Variants in BPGM observed in about 807,000 individuals in gnomAD.
BPGM encodes the protein bisphosphoglycerate mutase.
In BPGM, 15 loss-of-function variants were observed where a neutral mutation model predicts 21.6. That is an observed-to-expected ratio of 0.70 (90% CI 0.47 to 1.07). The LOEUF is 1.07. Among genes scored for constraint, BPGM ranks in the 50% least tolerant of loss-of-function variants. BPGM has a pLI of 0.00. For missense variants in BPGM, 273 were observed against 319.0 expected (o/e 0.86, Z 1.10); for synonymous variants, 113 against 116.2 (o/e 0.97, Z 0.18).
At chr7:134,677,623 T>C (rs768931261) in intron 2 of BPGM, among the ~76,000 whole-genome samples, 21 of 152,246 alleles carry the variant, frequency 1.4e-4, no homozygotes, top group Non-Finnish European at 2.6e-4. Context: ...TAACAACTTA[T>C]TCTGCCACTC....
chr7:134,672,212 C>G (rs1795915260), intron 2 of BPGM, among the ~76,000 whole-genome samples: 1 of 152,090 alleles, frequency 6.6e-6, no homozygotes, highest in Non-Finnish European at 1.5e-5. Context: ...CTCCTAGGTG[C>G]TTCTACATGA....
At chr7:134,659,598 T>C (rs1261152464) in intron 1 of BPGM, among the ~76,000 whole-genome samples, 1 of 152,190 alleles carries the variant, frequency 6.6e-6, no homozygotes, top group East Asian at 1.9e-4. Flanking sequence ...GGCTTCCTCC[T>C]TGGGAATTCT....
Position 134,661,486 on chromosome 7 carries a change from C to T in BPGM, c.-22C>T. The stretch of plus-strand genomic sequence containing the variant: ...TTGAATATTAGCCCATTTGAAAACG[C>T]CTGGGAAGTTCAGCCATCAGTATGT... On this transcript the variant is annotated 5_prime_UTR_variant, in exon 2 of 3. Transcript: ENST00000344924. This position sits in a 1 kb window ranked among gnomAD's most constrained non-coding sequence, Gnocchi z 4.6. The T allele has an allele frequency of 6.2e-7, 1 of 1,613,990 alleles. No homozygotes were observed.
At chr7:134,671,362 T>C in intron 2 of BPGM, among the ~76,000 whole-genome samples, 1 of 140,206 alleles carries the variant, frequency 7.1e-6, no homozygotes, top group South Asian at 2.2e-4. Flanking sequence ...AACATTTTGT[T>C]CTTTTTTTTT....
intron 2 of BPGM, among the ~76,000 whole-genome samples, chr7:134,664,649 C>G (rs180907448): frequency 3.1e-3 from 474 of 152,306 alleles, no homozygotes; most frequent in African/African-American, 0.011. Context: ...CAACTTGTAC[C>G]TAAACCTGCA....
intron 2 of BPGM, among the ~76,000 whole-genome samples, chr7:134,668,702 T>C (rs1323517601): frequency 6.6e-6 from 1 of 152,230 alleles, no homozygotes; most frequent in Non-Finnish European, 1.5e-5. Flanking sequence ...ATTTGATCAA[T>C]CATTGATCAC....
intron 1 of BPGM, among the ~76,000 whole-genome samples, chr7:134,655,441 ACT>A (rs937879363): frequency 2.0e-5 from 3 of 152,092 alleles, no homozygotes; most frequent in African/African-American, 7.2e-5. Context: ...TCAAACCATG[ACT>A]CTAATATCTC....
intron 2 of BPGM, among the ~76,000 whole-genome samples, chr7:134,666,838 A>C (rs1019442959): frequency 6.6e-6 from 1 of 152,240 alleles, no homozygotes; most frequent in Admixed American, 6.5e-5. Flanking sequence ...TAAGGTCCCA[A>C]GTATTCTTTT....
At chr7:134,655,968 G>A (rs1177815860) in intron 1 of BPGM, among the ~76,000 whole-genome samples, 1 of 152,230 alleles carries the variant, frequency 6.6e-6, no homozygotes, top group Non-Finnish European at 1.5e-5. Flanking sequence ...TAAGCGGGAT[G>A]CTACAGGAGT....
chr7:134,668,400 CAAG>C (rs1436372869), intron 2 of BPGM, among the ~76,000 whole-genome samples: 3 of 152,196 alleles, frequency 2.0e-5, no homozygotes, highest in Non-Finnish European at 2.9e-5. Context: ...GAAGCTGAGT[CAAG>C]AACATCCATG....
At chr7:134,674,896 C>T (rs1386816055) in intron 2 of BPGM, among the ~76,000 whole-genome samples, 1 of 152,118 alleles carries the variant, frequency 6.6e-6, no homozygotes, top group East Asian at 1.9e-4. Context: ...ATTATGATTC[C>T]AGTTTCTCCA....
At chr7:134,660,361 A>AG (rs1319835719) in intron 1 of BPGM, 7 of 152,234 alleles carry the variant, frequency 4.6e-5, no homozygotes, top group Non-Finnish European at 1.0e-4. Context: ...AAAACACTGG[A>AG]GGAGAGATGG....
chr7:134,663,228 G>C (rs2131435371), intron 2 of BPGM, among the ~76,000 whole-genome samples: 1 of 152,296 alleles, frequency 6.6e-6, no homozygotes, highest in South Asian at 2.1e-4. Context: ...TTTAGCATGT[G>C]ATTATTTTCC....
At chr7:134,659,642 G>A (rs567559477) in intron 1 of BPGM, among the ~76,000 whole-genome samples, 1 of 152,280 alleles carries the variant, frequency 6.6e-6, no homozygotes, top group South Asian at 2.1e-4. Flanking sequence ...TGGGTCCTGA[G>A]CCCAGGCTCT....
rs759311114 is a variant in BPGM, at chr7:134,661,522, A to C, written c.15A>C (p.Lys5Asn). 6.2e-7 allele frequency: 1 copy of C among 1,614,162 alleles called. No homozygotes were observed. Among genetic ancestry groups the C allele is most frequent in the Non-Finnish European group, 8.5e-7 (1 of 1,179,998 alleles). The change falls in exon 2 of 3, where the codon AAA becomes AAC. Residue 5 changes from lysine (K) to asparagine (N), a missense_variant. By Grantham distance (94) the Lys-to-Asn change is moderately conservative. Coordinates refer to ENST00000344924, the MANE Select transcript of BPGM (RefSeq NM_001724.5). The surrounding 1 kb of genome is among the most constrained non-coding windows in gnomAD (Gnocchi z 4.6). Reference sequence around the variant, plus strand: ...CAGCCATCAGTATGTCCAAGTACAAACTTATTATGTTAAGACATGGAGAGG... The same window carrying C: ...CAGCCATCAGTATGTCCAAGTACAACCTTATTATGTTAAGACATGGAGAGG... MSKYKLIMLRHGEGA... is the reference protein window; with the variant it reads MSKYNLIMLRHGEGA...
At position 134,662,056 on chromosome 7, in the gene BPGM, T is replaced by A; in HGVS notation, c.549T>A (p.Ile183=). 3 of 1,614,162 alleles carry A rather than the reference T, an allele frequency of 1.9e-6. No individual in the cohort carries two copies. The highest frequency in any genetic ancestry group is 2.5e-6 in the Non-Finnish European group (3 of 1,180,016). Residue 183 remains isoleucine (I), a synonymous_variant, in exon 2 of 3, where the codon ATT becomes ATA. Transcript: ENST00000344924. The part of the protein sequence containing the change: ...IAPEVLRGKT[I]LISAHGNSSR... ...CCGAAGTATTACGTGGCAAAACCAT[T>A]CTGATATCTGCTCATGGAAATAGCA...
intron 1 of BPGM, among the ~76,000 whole-genome samples, chr7:134,654,236 T>C (rs1446570628): frequency 2.0e-5 from 3 of 152,206 alleles, no homozygotes; most frequent in African/African-American, 7.2e-5. Context: ...TGCAAAATGT[T>C]TGAAGAATGA....
Position 134,678,315 on chromosome 7 carries a change from C to A in BPGM, c.602-538C>A, listed in dbSNP as rs115269638. Among the ~76,000 whole-genome samples the A allele has an allele frequency of 8.7e-3, 1,321 of 152,338 alleles. 11 individuals are homozygous for A. Among genetic ancestry groups the A allele is most frequent in the African/African-American group, 0.03 (1,239 of 41,580 alleles). ...TCCCTTCCTGATTCCCTTGACTGTG[C>A]TTTCTAAGCACCTGGGAAAGCATTC... is the stretch of plus-strand genomic sequence containing the variant. On this transcript the variant is annotated intron_variant, in intron 2 of 2. Transcript: ENST00000344924.
At chr7:134,650,170 C>A (rs12670843) in intron 1 of BPGM, among the ~76,000 whole-genome samples, 88,800 of 152,024 alleles carry the variant, frequency 0.58, 26,936 homozygotes, top group East Asian at 0.89. Context: ...ATTTGGTGGA[C>A]ACAGTTTGTG....
Sources: gnomAD v4.1 joint callset for allele counts (sites outside exome capture counted in the v4.1 genomes callset) on GRCh38, gnomAD v4.1.1 for gene constraint, Gnocchi (gnomAD v3.1) non-coding constraint, MANE v1.5 for transcripts, NCBI Gene and HGNC (gene_info 2026-07-23, HGNC 2026-07-21) for gene names.